NBPF3: variants seen among roughly 807,000 people sequenced by gnomAD.
NBPF3 encodes the protein NBPF family member NBPF3.
In NBPF3, 57 loss-of-function variants were observed where a neutral mutation model predicts 78.1. The ratio of observed to expected loss-of-function variants is 0.73; its 90% CI spans 0.59 to 0.91. The LOEUF (loss-of-function observed/expected upper bound fraction) is 0.91, where lower values mean the gene tolerates loss of function less well. Ranked by LOEUF, NBPF3 falls within the 40% of genes least tolerant of loss-of-function variation. The pLI, the probability that NBPF3 is intolerant of heterozygous loss-of-function variation, is 0.00. For synonymous variants in NBPF3, 182 were observed against 271.7 expected, an observed-to-expected ratio of 0.67 and a Z score of 3.25; for missense variants, 510 against 715.3, an observed-to-expected ratio of 0.71 and a Z score of 3.27.
At chr1:21,473,332 C>T (rs1291635816) in intron 6 of NBPF3, 48 bp from the exon 7 acceptor site, 2 of 1,593,406 alleles carry the variant, frequency 1.3e-6, no homozygotes, top group African/African-American at 2.7e-5. Flanking sequence ...GGTGTCCAAT[C>T]CCTCTGTGTT....
chr1:21,471,138 C>T (rs1642570575), intron 4 of NBPF3, among the ~76,000 whole-genome samples: 1 of 152,168 alleles, frequency 6.6e-6, no homozygotes, highest in South Asian at 2.1e-4. Flanking sequence ...TCGAGCCTGT[C>T]ATTCCTTTCT....
rs1037885018 is a variant in NBPF3 at position 21,473,302 on chromosome 1, G to C, written c.735-78G>C. 4 of 1,531,790 alleles carry C rather than the reference G, an allele frequency of 2.6e-6. No individual in the cohort carries two copies. In the African/African-American group the frequency reaches 5.5e-5, roughly 21 times the overall value. 94.9% of individuals were successfully genotyped at this position (1,531,790 alleles called of 1,614,324 possible). A position where few individuals can be genotyped will look rare whatever the true frequency, so the allele number is the denominator to read the frequency against. On this transcript the variant is annotated intron_variant, in intron 6 of 14. Transcript: ENST00000318249. ...GACCACTCTCTTAATGCCTCCTGTCGAAACCAGCTAGCACTCCCTGGTGTC... is the reference window on the plus strand; with the variant it reads ...GACCACTCTCTTAATGCCTCCTGTCCAAACCAGCTAGCACTCCCTGGTGTC...
At chr1:21,467,584 T>C (rs1642345777) in intron 2 of NBPF3, among the ~76,000 whole-genome samples, 2 of 152,218 alleles carry the variant, frequency 1.3e-5, no homozygotes, top group South Asian at 2.1e-4. Context: ...GAAATAGATA[T>C]CAAACCACAT....
At chr1:21,465,570 C>T (rs914838728) in intron 2 of NBPF3, among the ~76,000 whole-genome samples, 7 of 152,194 alleles carry the variant, frequency 4.6e-5, no homozygotes, top group African/African-American at 1.7e-4. Flanking sequence ...AAGTAAAGGA[C>T]ATCTGGCTTG....
intron 2 of NBPF3, among the ~76,000 whole-genome samples, chr1:21,450,822 C>G (rs1171387655): frequency 1.3e-5 from 2 of 152,176 alleles, no homozygotes; most frequent in Admixed American, 6.5e-5. Flanking sequence ...ACCTGTGAAA[C>G]TGAACAAACA....
chr1:21,445,751 G>T (rs1350068477), intron 2 of NBPF3, among the ~76,000 whole-genome samples: 1 of 152,186 alleles, frequency 6.6e-6, no homozygotes, highest in Non-Finnish European at 1.5e-5. Flanking sequence ...GTTAAAAGTG[G>T]CCACTTTTGA....
chr1:21,438,451 C>T (rs1481060175), upstream of NBPF3, among the ~76,000 whole-genome samples: 1 of 152,130 alleles, frequency 6.6e-6, no homozygotes, highest in East Asian at 1.9e-4. Flanking sequence ...CTCCATGCCT[C>T]ATTTTTCTCA....
chr1:21,477,051 C>A (rs1642922467), intron 8 of NBPF3, among the ~76,000 whole-genome samples: 1 of 152,178 alleles, frequency 6.6e-6, no homozygotes, highest in Non-Finnish European at 1.5e-5. Flanking sequence ...AATACCCTTT[C>A]TTCCACTTGA....
chr1:21,448,624 A>C (rs755238531), intron 2 of NBPF3, among the ~76,000 whole-genome samples: 6 of 152,208 alleles, frequency 3.9e-5, no homozygotes, highest in Non-Finnish European at 7.3e-5. Flanking sequence ...AGACCATTGT[A>C]GTAAAACTTG....
At chr1:21,453,162 A>G (rs1641406464) in intron 2 of NBPF3, among the ~76,000 whole-genome samples, 1 of 152,048 alleles carries the variant, frequency 6.6e-6, no homozygotes, top group Non-Finnish European at 1.5e-5. Flanking sequence ...GCTCCCCTGC[A>G]TGCACACTTC....
rs142089944 is a variant in NBPF3, at chr1:21,458,463, C to G, written c.134-10225C>G. Among the ~76,000 whole-genome samples, 450 of 151,604 alleles carry G rather than the reference C, an allele frequency of 3.0e-3. 4 individuals are homozygous for G. Among genetic ancestry groups the G allele is most frequent in the African/African-American group, 0.01 (433 of 41,314 alleles). On this transcript the variant is annotated intron_variant, in intron 2 of 14. Transcript: ENST00000318249. Reference sequence around the variant, plus strand: ...CCTGTGTTAGTGAGACCTGGCCTGCCACGTATGGATGCTCATGATAGTTTC... The same window carrying G: ...CCTGTGTTAGTGAGACCTGGCCTGCGACGTATGGATGCTCATGATAGTTTC...
rs1181311111 is a variant in NBPF3 at position 21,474,959 on chromosome 1, C to T, written c.992+8C>T. On this transcript the variant is annotated splice_region_variant and intron_variant, in intron 8 of 14. Transcript: ENST00000318249. Reference sequence around the variant, plus strand: ...AGGGCCAGTGTCTCCCAGGTAATGCCATGGAATTGTGGGCTGTTAATTCAA... The same window carrying T: ...AGGGCCAGTGTCTCCCAGGTAATGCTATGGAATTGTGGGCTGTTAATTCAA... 1 of 1,600,814 alleles carries T rather than the reference C, an allele frequency of 6.2e-7. No individual in the cohort carries two copies. Among genetic ancestry groups the T allele is most frequent in the African/African-American group, 1.3e-5 (1 of 74,338 alleles).
At chr1:21,461,588 A>G (rs1429306936) in intron 2 of NBPF3, among the ~76,000 whole-genome samples, 2 of 152,110 alleles carry the variant, frequency 1.3e-5, no homozygotes, top group Non-Finnish European at 2.9e-5. Context: ...CAGCCTTCCA[A>G]GTAGCTGGGA....
chr1:21,470,115 C>T (rs978098131), intron 3 of NBPF3, among the ~76,000 whole-genome samples: 1 of 152,202 alleles, frequency 6.6e-6, no homozygotes, highest in African/African-American at 2.4e-5. Context: ...TCTTACGTCT[C>T]ATCCTTTATG....
At chr1:21,448,214 A>C (rs906388915) in intron 2 of NBPF3, among the ~76,000 whole-genome samples, 1 of 152,140 alleles carries the variant, frequency 6.6e-6, no homozygotes, top group East Asian at 1.9e-4. Flanking sequence ...ATCCAACCCA[A>C]GATCCCCAAG....
chr1:21,453,813 T>C (rs1431332760), intron 2 of NBPF3: 1 of 152,194 alleles, frequency 6.6e-6, no homozygotes, highest in East Asian at 1.9e-4. Flanking sequence ...CTGGAGCTTC[T>C]TGAGTGAGGG....
chr1:21,457,368 G>GTA (rs368844412), intron 2 of NBPF3, among the ~76,000 whole-genome samples: 786 of 12,342 alleles, frequency 0.064, 8 homozygotes, highest in South Asian at 0.3. Flanking sequence ...ATATATGTAT[G>GTA]TATATATATG....
intron 2 of NBPF3, among the ~76,000 whole-genome samples, chr1:21,447,681 T>C (rs1433912562): frequency 6.6e-6 from 1 of 152,248 alleles, no homozygotes; most frequent in African/African-American, 2.4e-5. Flanking sequence ...CTTCCAAGTT[T>C]TGGCAATTAT....
chr1:21,467,715 G>A (rs185583709), intron 2 of NBPF3, among the ~76,000 whole-genome samples: 1 of 152,304 alleles, frequency 6.6e-6, no homozygotes, highest in East Asian at 1.9e-4. Flanking sequence ...CATGTGTTCA[G>A]GAGATCTCTA....
Sources: allele counts gnomAD v4.1 joint callset (sites outside exome capture counted in the v4.1 genomes callset), GRCh38; gene constraint gnomAD v4.1.1; transcripts MANE v1.5; gene names NCBI Gene and HGNC (gene_info 2026-07-23, HGNC 2026-07-21).